The following CPED1 variants were observed in gnomAD, a reference collection of about 807,000 sequenced individuals.
CPED1 encodes cadherin like and PC-esterase domain containing 1, also known as cadherin-like and PC-esterase domain-containing protein 1.
A neutral mutation model predicts 128.2 loss-of-function variants in CPED1; 114 were observed. The observed-to-expected ratio is 0.89, with a 90% CI of 0.76 to 1.04. CPED1 has a LOEUF of 1.04. Ranked by LOEUF, CPED1 falls within the 50% of genes least tolerant of loss-of-function variation. CPED1 has a pLI of 0.00. For synonymous variants in CPED1, 462 were observed against 426.7 expected, an observed-to-expected ratio of 1.08 and a Z score of -1.02; for missense variants, 1,211 against 1,207.1, an observed-to-expected ratio of 1.00 and a Z score of -0.05.
At position 121,295,493 on chromosome 7, in the gene CPED1, A is replaced by C. The variant is rs760878309; in HGVS notation, c.2922A>C (p.Ser974=). ...KEYNFIKMKR[S]RNHIMGRYFS... is the part of the protein sequence containing the mutation. ...ATAACTTTATTAAAATGAAAAGATC[A>C]AGAAATCATATCATGGGAAGATATT... Residue 974 remains serine, a synonymous_variant, in exon 23 of 23, where the codon TCA becomes TCC. Transcript: ENST00000310396. The C allele has an allele frequency of 3.1e-6, 5 of 1,613,950 alleles. No individual in the cohort carries two copies. Among genetic ancestry groups the C allele is most frequent in the African/African-American group, 1.3e-5 (1 of 75,064 alleles).
chr7:121,220,835 G>A (rs1277339174), intron 16 of CPED1, among the ~76,000 whole-genome samples: 2 of 151,728 alleles, frequency 1.3e-5, no homozygotes, highest in South Asian at 4.2e-4. Context: ...CAGAACTTAC[G>A]TGTTCACAAT....
chr7:121,248,733 T>G (rs1384449244), intron 18 of CPED1, among the ~76,000 whole-genome samples: 1 of 151,372 alleles, frequency 6.6e-6, no homozygotes, highest in Non-Finnish European at 1.5e-5. Flanking sequence ...CTCTCCCAAA[T>G]AAGAAAGAAT....
At chr7:121,078,498 G>GA (rs529856618) in intron 5 of CPED1, among the ~76,000 whole-genome samples, 56 of 101,880 alleles carry the variant, frequency 5.5e-4, no homozygotes, top group African/African-American at 1.7e-3. Context: ...AAGAAAGAAA[G>GA]AAAAAAAAAA....
intron 16 of CPED1, among the ~76,000 whole-genome samples, chr7:121,211,561 A>AGCAGGGTCCCAGAACACCTATGGACCAAT (rs6150320): frequency 6.6e-6 from 1 of 151,700 alleles, no homozygotes; most frequent in African/African-American, 2.4e-5. Context: ...TGATTGGGAC[A>AGCAGGGTCCCAGAACACCTATGGACCAAT]GCAGACACGT....
intron 16 of CPED1, among the ~76,000 whole-genome samples, chr7:121,189,599 C>T (rs9641660): frequency 0.61 from 92,199 of 151,090 alleles, 28,504 homozygotes; most frequent in East Asian, 0.89. Flanking sequence ...AGAGCCAAAC[C>T]GTAACAGAAG....
intron 22 of CPED1, among the ~76,000 whole-genome samples, chr7:121,294,540 A>C (rs1444948468): frequency 6.6e-6 from 1 of 152,128 alleles, no homozygotes; most frequent in African/African-American, 2.4e-5. Context: ...CAGCAAAACA[A>C]AATGGTGGAT....
intron 16 of CPED1, among the ~76,000 whole-genome samples, chr7:121,189,554 T>C (rs1797079899): frequency 6.6e-6 from 1 of 151,662 alleles, no homozygotes; most frequent in African/African-American, 2.4e-5. Context: ...CAACACTGGG[T>C]ATTACAATTC....
intron 5 of CPED1, among the ~76,000 whole-genome samples, chr7:121,081,037 A>G (rs919356159): frequency 6.6e-6 from 1 of 152,200 alleles, no homozygotes; most frequent in Non-Finnish European, 1.5e-5. Context: ...ACAGAACTCC[A>G]TAAATTGTAT....
chr7:121,158,866 A>G (rs1281914210), intron 16 of CPED1, among the ~76,000 whole-genome samples: 1 of 152,208 alleles, frequency 6.6e-6, no homozygotes, highest in African/African-American at 2.4e-5. Context: ...CAGCCAATCC[A>G]TATTTAAATA....
At chr7:121,266,865 GATGTGACTGAGTTTTATCCAGATTTTA>G (rs1263448562) in intron 20 of CPED1, 57 bp downstream of exon 20, 1 of 1,208,772 alleles carries the variant, frequency 8.3e-7, no homozygotes, top group Admixed American at 1.7e-5. Context: ...AGTTACTATG[GATGTGACTGAGTTTTATCCAGATTTTA>G]TTTAAAGAAC....
rs142705599 is a variant in CPED1, at chr7:121,089,102, T to C, written c.617-8597T>C. ...ACCTGAACCCCTCAGGTTCTAATCA[T>C]ATCACTGAGCAACTGGAGGGAAAGA... On this transcript the variant is annotated intron_variant, in intron 5 of 22. Coordinates refer to ENST00000310396, the MANE Select transcript of CPED1 (RefSeq NM_024913.5). Among the ~76,000 whole-genome samples the C allele has an allele frequency of 5.6e-3, 851 of 152,246 alleles. 7 individuals carry two copies. The highest frequency in any genetic ancestry group is 8.2e-3 in the Non-Finnish European group (556 of 68,022).
rs972366780 is a variant in CPED1, at chr7:120,997,937, TAAAATAAAATA to T, written c.249+8071_249+8081del. Among the ~76,000 whole-genome samples, 6 of 116,226 alleles carry T rather than the reference TAAAATAAAATA, an allele frequency of 5.2e-5. 1 individual carries two copies. The highest frequency in any genetic ancestry group is 2.1e-4 in the African/African-American group (5 of 23,578). 76.2% of individuals were successfully genotyped at this position (116,226 alleles called of 152,430 possible). On this transcript the variant is annotated intron_variant, in intron 2 of 22. Coordinates refer to ENST00000310396, the MANE Select transcript of CPED1 (RefSeq NM_024913.5). ...AACTCGGTCTCGAAAAAAAATAAAATAAAATAAAATAAAATAAAATAAAATAAAATAAAATA... is the reference window on the plus strand; with the variant it reads ...AACTCGGTCTCGAAAAAAAATAAAATAAATAAAATAAAATAAAATAAAATA...
At chr7:121,162,711 G>A (rs1258405963) in intron 16 of CPED1, among the ~76,000 whole-genome samples, 1 of 152,214 alleles carries the variant, frequency 6.6e-6, no homozygotes, top group African/African-American at 2.4e-5. Context: ...CCATCTCACT[G>A]TGGTGTATTT....
intron 22 of CPED1, among the ~76,000 whole-genome samples, chr7:121,286,516 C>T (rs912251411): frequency 3.3e-5 from 5 of 152,212 alleles, no homozygotes; most frequent in African/African-American, 1.2e-4. Flanking sequence ...AGAAGACACA[C>T]TACTTTTCCA....
At chr7:121,240,864 T>C (rs912898586) in intron 17 of CPED1, among the ~76,000 whole-genome samples, 2 of 151,532 alleles carry the variant, frequency 1.3e-5, no homozygotes, top group Non-Finnish European at 2.9e-5. Context: ...CCACTCAATG[T>C]GAACCTCTGT....
At chr7:121,185,222 A>C (rs1001049687) in intron 16 of CPED1, among the ~76,000 whole-genome samples, 2 of 152,168 alleles carry the variant, frequency 1.3e-5, no homozygotes, top group Non-Finnish European at 2.9e-5. Context: ...TAAGTGGCAC[A>C]GACAAATATA....
intron 22 of CPED1, among the ~76,000 whole-genome samples, chr7:121,285,767 T>C (rs1038024398): frequency 6.6e-6 from 1 of 152,198 alleles, no homozygotes; most frequent in African/African-American, 2.4e-5. Context: ...AGTTCCAAAC[T>C]TTCCCATATC....
At chr7:121,248,927 A>C (rs1798602513) in intron 18 of CPED1, among the ~76,000 whole-genome samples, 1 of 152,188 alleles carries the variant, frequency 6.6e-6, no homozygotes, top group African/African-American at 2.4e-5. Context: ...CAATCCAAGA[A>C]ATCCATAAAA....
intron 16 of CPED1, among the ~76,000 whole-genome samples, chr7:121,190,936 G>A (rs994867145): frequency 2.6e-5 from 4 of 152,014 alleles, no homozygotes; most frequent in Non-Finnish European, 5.9e-5. Flanking sequence ...TACAAAAGTC[G>A]CACGCATACA....
Sources: allele counts gnomAD v4.1 joint callset (sites outside exome capture counted in the v4.1 genomes callset), GRCh38; gene constraint gnomAD v4.1.1; transcripts MANE v1.5; gene names NCBI Gene and HGNC (gene_info 2026-07-23, HGNC 2026-07-21).